CACNA1S: variants seen among roughly 807,000 people sequenced by gnomAD.
CACNA1S encodes calcium voltage-gated channel subunit alpha1 S, also known as voltage-dependent L-type calcium channel subunit alpha-1S.
Under a neutral mutation model 207.4 loss-of-function variants are expected in CACNA1S, and 126 were observed. That is an observed-to-expected ratio of 0.61 (90% CI 0.53 to 0.70). The LOEUF is 0.70. Among genes scored for constraint, CACNA1S ranks in the 30% least tolerant of loss-of-function variants. The pLI is 0.00. For synonymous variants in CACNA1S, 960 were observed against 932.7 expected, an observed-to-expected ratio of 1.03 and a Z score of -0.53; for missense variants, 2,349 against 2,422.8, an observed-to-expected ratio of 0.97 and a Z score of 0.64.
chr1:201,068,249 TTTTTTTTTTTTTG>T, intron 19 of CACNA1S, among the ~76,000 whole-genome samples: 1 of 128,818 alleles, frequency 7.8e-6, no homozygotes, highest in African/African-American at 3.2e-5. Flanking sequence ...TTTTTTTTTT[TTTTTTTTTTTTTG>T]AGATGGAGTC....
chr1:201,089,697 AG>A (rs1262051178), intron 5 of CACNA1S, among the ~76,000 whole-genome samples: 1 of 152,238 alleles, frequency 6.6e-6, no homozygotes, highest in Non-Finnish European at 1.5e-5. Context: ...GCCTCATGGC[AG>A]GGTCGGCTTC....
At chr1:201,106,914 G>T (rs1309141268) in intron 2 of CACNA1S, among the ~76,000 whole-genome samples, 1 of 152,234 alleles carries the variant, frequency 6.6e-6, no homozygotes, top group Admixed American at 6.5e-5. Flanking sequence ...TTTACTGAAT[G>T]GACTGCAGCA....
At chr1:201,106,022 G>A (rs1393080719) in intron 2 of CACNA1S, among the ~76,000 whole-genome samples, 1 of 152,112 alleles carries the variant, frequency 6.6e-6, no homozygotes, top group African/African-American at 2.4e-5. Flanking sequence ...AGTGGACACA[G>A]GCACCTGTAT....
At chr1:201,058,722 G>T (rs915047549) in intron 27 of CACNA1S, among the ~76,000 whole-genome samples, 1 of 152,108 alleles carries the variant, frequency 6.6e-6, no homozygotes, top group Non-Finnish European at 1.5e-5. Flanking sequence ...AGTAGTGGTG[G>T]GGGGGAGGGG....
intron 2 of CACNA1S, among the ~76,000 whole-genome samples, chr1:201,104,083 A>G (rs1366806189): frequency 6.6e-6 from 1 of 152,240 alleles, no homozygotes; most frequent in East Asian, 1.9e-4. Context: ...AAAGCAAAGA[A>G]AGGATGCCAT....
intron 22 of CACNA1S, 55 bp from the exon 23 acceptor site, chr1:201,062,569 T>C: frequency 6.4e-7 from 1 of 1,552,010 alleles, no homozygotes; most frequent in Non-Finnish European, 8.9e-7. Context: ...GGAAACAGGA[T>C]AGAAAAGTGG....
In CACNA1S at chr1:201,102,701, T is replaced by C. The variant is rs147080618; in HGVS notation, c.258+7463A>G. Among the ~76,000 whole-genome samples the C allele has an allele frequency of 9.0e-3, 1,374 of 152,308 alleles. 23 individuals carry two copies. Among genetic ancestry groups the C allele is most frequent in the African/African-American group, 0.031 (1,309 of 41,568 alleles). The stretch of plus-strand genomic sequence containing the variant: ...GAAGCCAAAGCACAGAGGGATTAAT[T>C]TCTCCAGGATCACATAGCTACCAAG... On this transcript the variant is annotated intron_variant, in intron 2 of 43. Transcript: ENST00000362061.
chr1:201,093,140 C>T (rs1662298612), intron 3 of CACNA1S, among the ~76,000 whole-genome samples: 2 of 152,208 alleles, frequency 1.3e-5, no homozygotes, highest in South Asian at 2.1e-4. Flanking sequence ...TATGTTCCTT[C>T]TAAATTCATA....
chr1:201,052,416 G>T, intron 32 of CACNA1S, 141 bp downstream of exon 32: 1 of 685,812 alleles, frequency 1.5e-6, no homozygotes, highest in Non-Finnish European at 2.7e-6. Flanking sequence ...ACCAAGCAGG[G>T]GACCCTTCTG....
In CACNA1S at chr1:201,059,247, G is replaced by A; in HGVS notation, c.3467C>T (p.Ala1156Val). 1.2e-6 allele frequency: 2 copies of A among 1,614,054 alleles called. No homozygotes were observed. Among genetic ancestry groups the A allele is most frequent in the South Asian group, 1.1e-5 (1 of 91,076 alleles). Residue 1156 changes from alanine to valine, a missense_variant, in exon 27 of 44, where the codon GCC (alanine) becomes GTC (valine). Ala to Val is a moderately conservative substitution (Grantham distance 64). Coordinates refer to ENST00000362061, the MANE Select transcript of CACNA1S (RefSeq NM_000069.3). The part of the protein sequence containing the change: ...MNHISDILNV[A>V]FTIIFTLEMI... ...CTCCAGGGTGAAGATGATAGTGAAG[G>A]CCACATTGAGGATGTCTGAGATGTG... is the stretch of plus-strand genomic sequence containing the variant.
chr1:201,046,349 T>C (rs973195808), intron 38 of CACNA1S, among the ~76,000 whole-genome samples: 2 of 152,024 alleles, frequency 1.3e-5, no homozygotes, highest in African/African-American at 4.8e-5. Flanking sequence ...GCCCAGCTAA[T>C]TTTGTAATTT....
In CACNA1S at chr1:201,066,070, G is replaced by A. The variant is rs1043199014; in HGVS notation, c.2746-125C>T. On this transcript the variant is annotated intron_variant, in intron 21 of 43. Coordinates refer to ENST00000362061, the MANE Select transcript of CACNA1S (RefSeq NM_000069.3). The surrounding 1 kb of genome is among the most constrained non-coding windows in gnomAD (Gnocchi z 4.3). Reference sequence around the variant, plus strand: ...ATGAGTTGGAGGTGGGGAAAGGCTGGTGGGGAAGCATAGCTACCCCAGCCT... The same window carrying A: ...ATGAGTTGGAGGTGGGGAAAGGCTGATGGGGAAGCATAGCTACCCCAGCCT... 4.7e-5 allele frequency: 44 copies of A among 928,184 alleles called. No individual in the cohort carries two copies. The highest frequency in any genetic ancestry group is 2.2e-4 in the Admixed American group (11 of 50,236). The allele number at this position is 928,184 out of a possible 1,614,324, so 57.5% of individuals were successfully genotyped here. A position where few individuals can be genotyped will look rare whatever the true frequency, so the allele number is the denominator to read the frequency against.
chr1:201,090,074 C>A (rs563911959), intron 5 of CACNA1S, among the ~76,000 whole-genome samples: 1 of 152,196 alleles, frequency 6.6e-6, no homozygotes, highest in African/African-American at 2.4e-5. Context: ...TTACAGTCTC[C>A]TTTTGTGTTC....
intron 2 of CACNA1S, among the ~76,000 whole-genome samples, chr1:201,104,915 G>A (rs79302866): frequency 5.7e-4 from 87 of 152,198 alleles, no homozygotes; most frequent in Non-Finnish European, 1.1e-3. Context: ...TCTGCGCTGT[G>A]GTTTACTCCT....
chr1:201,105,939 C>A (rs1662865110), intron 2 of CACNA1S, among the ~76,000 whole-genome samples: 1 of 152,166 alleles, frequency 6.6e-6, no homozygotes, highest in African/African-American at 2.4e-5. Context: ...CCCCACCCAG[C>A]CAGTTTGGCA....
rs1660566979 is a variant in CACNA1S at position 201,049,061 on chromosome 1, C to T, written c.4280G>A (p.Arg1427Lys). ...IKHLDVVTLL[R>K]RIQPPLGFGK... ...AAAGCCCAGAGGGGGCTGAATCCTTCTCAGCAGGGTCACCACGTCCAGGTG... is the reference window on the plus strand; with the variant it reads ...AAAGCCCAGAGGGGGCTGAATCCTTTTCAGCAGGGTCACCACGTCCAGGTG... Residue 1427 changes from arginine to lysine, a missense_variant, in exon 35 of 44, where the codon AGA (arginine) becomes AAA (lysine). Coordinates refer to ENST00000362061, the MANE Select transcript of CACNA1S (RefSeq NM_000069.3). 2 of 1,613,660 alleles carry T rather than the reference C, an allele frequency of 1.2e-6. No homozygotes were observed. The highest frequency in any genetic ancestry group is 1.7e-6 in the Non-Finnish European group (2 of 1,179,918).
In CACNA1S at chr1:201,061,274, T is replaced by C. The variant is rs1661037083; in HGVS notation, c.3248A>G (p.Lys1083Arg). ...ETEYKNCELD[K>R]NQRQCVQYAL... ...GGCAGGCAGCCCAGGCACCTGGTTC[T>C]TGTCCAGCTCACAGTTCTTGTACTC... The change falls in exon 25 of 44, where the codon AAG becomes AGG. Residue 1083 changes from lysine (K) to arginine (R), a missense_variant. Transcript: ENST00000362061. 6.2e-7 allele frequency: 1 copy of C among 1,614,126 alleles called. No homozygotes were observed. The highest frequency in any genetic ancestry group is 2.2e-5 in the East Asian group (1 of 44,890).
chr1:201,101,031 A>C (rs78121438), intron 2 of CACNA1S, among the ~76,000 whole-genome samples: 5,144 of 147,570 alleles, frequency 0.035, 266 homozygotes, highest in African/African-American at 0.11. Flanking sequence ...AAGCTCATCC[A>C]AGCGTTTTAC....
Position 201,062,089 on chromosome 1 carries a change from C to G in CACNA1S, c.2908G>C (p.Gly970Arg). ...LSKMTEEECR[G>R]YYYVYKDGDP... ...CCGTCCTTGTACACGTAGTAGTAGCCCCTGTGGCAGGGAGGCCCAGTCACT... is the reference window on the plus strand; with the variant it reads ...CCGTCCTTGTACACGTAGTAGTAGCGCCTGTGGCAGGGAGGCCCAGTCACT... The change falls in exon 24 of 44, where the codon GGC (glycine) becomes CGC (arginine). Residue 970 changes from glycine (G) to arginine (R), a missense_variant and splice_region_variant. Transcript: ENST00000362061. 3 of 1,613,624 alleles carry G rather than the reference C, an allele frequency of 1.9e-6. No individual in the cohort carries two copies. Among genetic ancestry groups the G allele is most frequent in the Non-Finnish European group, 2.5e-6 (3 of 1,179,798 alleles).
Sources: gnomAD v4.1 joint callset for allele counts (sites outside exome capture counted in the v4.1 genomes callset) on GRCh38, gnomAD v4.1.1 for gene constraint, Gnocchi (gnomAD v3.1) non-coding constraint, MANE v1.5 for transcripts, NCBI Gene and HGNC (gene_info 2026-07-23, HGNC 2026-07-21) for gene names.